The following CDH13 variants were observed in gnomAD, a reference collection of about 807,000 sequenced individuals.
The protein encoded by CDH13 is cadherin-13.
In CDH13, 24 loss-of-function variants were observed where a neutral mutation model predicts 63.8. The ratio of observed to expected loss-of-function variants is 0.38; its 90% confidence interval spans 0.27 to 0.53. CDH13 has a LOEUF of 0.53. CDH13 is among the 20% of genes least tolerant of loss of function. CDH13 has a pLI of 0.85. For missense variants in CDH13, 1,049 were observed against 903.1 expected (o/e 1.16, Z -2.07); for synonymous variants, 503 against 355.3 (o/e 1.42, Z -4.67).
chr16:83,169,180 G>C (rs991486678), intron 4 of CDH13, among the ~76,000 whole-genome samples: 3 of 145,124 alleles, frequency 2.1e-5, no homozygotes, highest in African/African-American at 7.7e-5. Context: ...CAGTGCTTAG[G>C]TTTCCTTTTT....
intron 6 of CDH13, among the ~76,000 whole-genome samples, chr16:83,372,319 C>T (rs1447179019): frequency 6.6e-6 from 1 of 152,310 alleles, no homozygotes; most frequent in Non-Finnish European, 1.5e-5. Context: ...CTCTTAACCA[C>T]TGTGTTGTAT....
intron 7 of CDH13, among the ~76,000 whole-genome samples, chr16:83,548,120 G>C (rs1305103500): frequency 6.6e-6 from 1 of 152,126 alleles, no homozygotes; most frequent in Admixed American, 6.5e-5. Flanking sequence ...AGCTAGCCAA[G>C]AGCAGGTGTC....
At chr16:83,608,339 C>G (rs1908539216) in intron 8 of CDH13, among the ~76,000 whole-genome samples, 1 of 152,190 alleles carries the variant, frequency 6.6e-6, no homozygotes, top group Non-Finnish European at 1.5e-5. Flanking sequence ...TAGGAGCTGT[C>G]AAGCTGCAAG....
At chr16:83,135,308 C>T (rs573367657) in intron 4 of CDH13, among the ~76,000 whole-genome samples, 66 of 152,326 alleles carry the variant, frequency 4.3e-4, no homozygotes, top group African/African-American at 1.5e-3. Flanking sequence ...AATGCCACAT[C>T]AGTGATCTGT....
intron 2 of CDH13, among the ~76,000 whole-genome samples, chr16:82,907,953 C>T (rs2041703963): frequency 6.6e-6 from 1 of 152,116 alleles, no homozygotes; most frequent in Non-Finnish European, 1.5e-5. Flanking sequence ...TTCCACTTCC[C>T]TACTGTCTTA....
At chr16:83,601,977 C>A (rs1237630542) in intron 7 of CDH13, among the ~76,000 whole-genome samples, 1 of 150,964 alleles carries the variant, frequency 6.6e-6, no homozygotes, top group African/African-American at 2.4e-5. Flanking sequence ...CCTGTAATCC[C>A]AGCTACTCAG....
At chr16:83,694,831 T>A (rs1905222707) in intron 10 of CDH13, among the ~76,000 whole-genome samples, 1 of 152,186 alleles carries the variant, frequency 6.6e-6, no homozygotes, top group South Asian at 2.1e-4. Context: ...GGCCCTCATC[T>A]TGGTCATAAG....
At chr16:83,381,745 A>G (rs565610744) in intron 6 of CDH13, among the ~76,000 whole-genome samples, 1 of 152,096 alleles carries the variant, frequency 6.6e-6, no homozygotes, top group East Asian at 1.9e-4. Flanking sequence ...TACCAAGAGG[A>G]TAAACACCTT....
intron 3 of CDH13, among the ~76,000 whole-genome samples, chr16:83,068,102 C>T (rs146823826): frequency 6.6e-6 from 1 of 152,318 alleles, no homozygotes; most frequent in East Asian, 1.9e-4. Flanking sequence ...AGGGCCCCAC[C>T]TGAAATGGAT....
chr16:82,747,422 A>T (rs2034225773), intron 1 of CDH13, among the ~76,000 whole-genome samples: 1 of 151,534 alleles, frequency 6.6e-6, no homozygotes, highest in Non-Finnish European at 1.5e-5. Flanking sequence ...GGTATAAATG[A>T]AAGGTCTGGA....
chr16:83,104,299 G>A (rs1043388383), intron 3 of CDH13, among the ~76,000 whole-genome samples: 12 of 152,162 alleles, frequency 7.9e-5, no homozygotes, highest in Admixed American at 7.9e-4. Context: ...ATGACGTGGG[G>A]AGACGTGAGA....
In CDH13 at chr16:83,099,515, G is replaced by A. The variant is rs577983361; in HGVS notation, c.367-25870G>A. Among the ~76,000 whole-genome samples, 8 of 151,634 alleles carry A rather than the reference G, an allele frequency of 5.3e-5. No homozygotes were observed. The East Asian group carries it at 1.4e-3, about 26-fold the overall frequency. ...ATTTTTGCATTTTTAGTAGAGACAG[G>A]GTTTTGCCATGTTGGCCAGGCTGGT... is the stretch of plus-strand genomic sequence containing the variant. On this transcript the variant is annotated intron_variant, in intron 3 of 13. Transcript: ENST00000567109.
intron 5 of CDH13, among the ~76,000 whole-genome samples, chr16:83,327,648 C>T (rs753452594): frequency 6.6e-6 from 1 of 151,972 alleles, no homozygotes; most frequent in Non-Finnish European, 1.5e-5. Context: ...CAATAAGAGC[C>T]GTGAAAACAA....
At chr16:82,659,966 G>T (rs188719730) in intron 1 of CDH13, among the ~76,000 whole-genome samples, 8 of 152,266 alleles carry the variant, frequency 5.3e-5, no homozygotes, top group Non-Finnish European at 1.0e-4. Flanking sequence ...TCCCCATTGA[G>T]AACCACTGCT....
intron 2 of CDH13, among the ~76,000 whole-genome samples, chr16:82,935,984 A>G (rs530900760): frequency 6.6e-6 from 1 of 152,278 alleles, no homozygotes; most frequent in East Asian, 1.9e-4. Flanking sequence ...CATAGTGCTC[A>G]CCCATTGGTT....
intron 2 of CDH13, among the ~76,000 whole-genome samples, chr16:82,875,762 A>G (rs1274716453): frequency 2.0e-5 from 3 of 152,202 alleles, no homozygotes; most frequent in Non-Finnish European, 4.4e-5. Context: ...GAAACTAGCT[A>G]TTTGCATGCA....
At chr16:83,448,046 G>A (rs1373071471) in intron 6 of CDH13, among the ~76,000 whole-genome samples, 1 of 152,134 alleles carries the variant, frequency 6.6e-6, no homozygotes, top group Non-Finnish European at 1.5e-5. Flanking sequence ...GGAATGAGAG[G>A]AAAAGCACAG....
chr16:82,712,248 T>C (rs576107223), intron 1 of CDH13, among the ~76,000 whole-genome samples: 6 of 152,300 alleles, frequency 3.9e-5, no homozygotes, highest in African/African-American at 1.2e-4. Context: ...TAATTTATTT[T>C]ACTAATTAGT....
rs556419755 is a variant in CDH13, at chr16:83,170,123, A to T, written c.483+44622A>T. ...CAACAATTTACTTTGGGACCATCTC[A>T]TATATTAAATTTTGCAAAAATGCCA... On this transcript the variant is annotated intron_variant, in intron 4 of 13. Transcript: ENST00000567109. Among the ~76,000 whole-genome samples, 2 of 152,220 alleles carry T rather than the reference A, an allele frequency of 1.3e-5. 1 individual carries two copies. Among genetic ancestry groups the T allele is most frequent in the Non-Finnish European group, 2.9e-5 (2 of 68,014 alleles).
Sources: gnomAD v4.1 joint callset for allele counts (sites outside exome capture counted in the v4.1 genomes callset) on GRCh38, gnomAD v4.1.1 for gene constraint, MANE v1.5 for transcripts, NCBI Gene and HGNC (gene_info 2026-07-23, HGNC 2026-07-21) for gene names.